ADARB2: variants seen among roughly 807,000 people sequenced by gnomAD.
ADARB2 encodes the protein inactive double-stranded RNA-specific editase B2.
Under a neutral mutation model 62.2 loss-of-function variants are expected in ADARB2, and 25 were observed. The observed-to-expected ratio is 0.40, with a 90% CI of 0.29 to 0.56. ADARB2 has a LOEUF of 0.56. Among genes scored for constraint, ADARB2 ranks in the 20% least tolerant of loss-of-function variants. ADARB2 has a pLI of 0.43. For synonymous variants in ADARB2, 572 were observed against 500.8 expected, an observed-to-expected ratio of 1.14 and a Z score of -1.90; for missense variants, 1,071 against 1,077.4, an observed-to-expected ratio of 0.99 and a Z score of 0.08.
chr10:1,479,546 C>A (rs1346686816), intron 1 of ADARB2, among the ~76,000 whole-genome samples: 1 of 152,118 alleles, frequency 6.6e-6, no homozygotes, highest in Non-Finnish European at 1.5e-5. Flanking sequence ...CCCAGGACAG[C>A]CTGCTGAGGA....
At chr10:1,571,898 TGGTGAGTGGAAA>T (rs1832942432) in intron 1 of ADARB2, among the ~76,000 whole-genome samples, 1 of 85,438 alleles carries the variant, frequency 1.2e-5, no homozygotes, top group African/African-American at 5.4e-5. Context: ...GTGAGTGTGC[TGGTGAGTGGAAA>T]GGTGAGTAGG....
intron 3 of ADARB2, among the ~76,000 whole-genome samples, chr10:1,317,441 G>A (rs1436588942): frequency 6.6e-6 from 1 of 152,154 alleles, no homozygotes; most frequent in African/African-American, 2.4e-5. Flanking sequence ...AGAACACTGA[G>A]GGTTTCACAT....
chr10:1,465,595 C>T (rs928403288), intron 1 of ADARB2, among the ~76,000 whole-genome samples: 6 of 152,234 alleles, frequency 3.9e-5, no homozygotes, highest in African/African-American at 1.2e-4. Flanking sequence ...GGCAATTCCC[C>T]TGTAGAGAGT....
At chr10:1,421,736 C>T (rs940645460) in intron 1 of ADARB2, among the ~76,000 whole-genome samples, 2 of 152,134 alleles carry the variant, frequency 1.3e-5, no homozygotes, top group Non-Finnish European at 2.9e-5. Context: ...GTAAGATTCA[C>T]CCCATTGCCT....
Position 1,630,263 on chromosome 10 carries a change from A to G in ADARB2, c.100+106788T>C, listed in dbSNP as rs140654435. On this transcript the variant is annotated intron_variant, in intron 1 of 9. Coordinates refer to ENST00000381312, the MANE Select transcript of ADARB2 (RefSeq NM_018702.4). ...CTAGAGCTTGGCCCTCCCGACACTT[A>G]TGTTCTCGTGAGGATGGGAGAAGAT... Among the ~76,000 whole-genome samples, 285 of 152,244 alleles carry G rather than the reference A, an allele frequency of 1.9e-3. 1 individual carries two copies. Among genetic ancestry groups the G allele is most frequent in the South Asian group, 5.4e-3 (26 of 4,824 alleles).
chr10:1,718,184 C>T (rs7095035), intron 1 of ADARB2, among the ~76,000 whole-genome samples: 1,732 of 152,184 alleles, frequency 0.011, 37 homozygotes, highest in African/African-American at 0.039. Flanking sequence ...AGGTGATGGC[C>T]GGGGCAGAAA....
chr10:1,247,708 T>C (rs1359990936), intron 4 of ADARB2, among the ~76,000 whole-genome samples: 29 of 152,176 alleles, frequency 1.9e-4, no homozygotes. Context: ...AGCATTCAGA[T>C]AAACACGCTT....
intron 1 of ADARB2, among the ~76,000 whole-genome samples, chr10:1,640,356 A>G (rs986749479): frequency 6.6e-6 from 1 of 152,250 alleles, no homozygotes; most frequent in Non-Finnish European, 1.5e-5. Flanking sequence ...GTCCAGTATG[A>G]GAATCACTAG....
chr10:1,607,896 G>C (rs1400988253), intron 1 of ADARB2, among the ~76,000 whole-genome samples: 2 of 152,232 alleles, frequency 1.3e-5, no homozygotes, highest in East Asian at 1.9e-4. Flanking sequence ...TAATAGGTAA[G>C]TAGTGGTTGT....
chr10:1,582,759 G>A (rs923490727), intron 1 of ADARB2, among the ~76,000 whole-genome samples: 1 of 152,140 alleles, frequency 6.6e-6, no homozygotes, highest in East Asian at 1.9e-4. Context: ...ATTCCCATGA[G>A]TTCCATGTCA....
At chr10:1,351,086 T>C (rs1372154469) in intron 3 of ADARB2, among the ~76,000 whole-genome samples, 2 of 152,142 alleles carry the variant, frequency 1.3e-5, no homozygotes, top group African/African-American at 2.4e-5. Context: ...TCCTAAGCCG[T>C]GTCCCATCTG....
At chr10:1,417,755 T>C (rs1832817289) in intron 1 of ADARB2, among the ~76,000 whole-genome samples, 1 of 152,214 alleles carries the variant, frequency 6.6e-6, no homozygotes, top group African/African-American at 2.4e-5. Context: ...GCGCCCTGCC[T>C]GGCCTGGGCT....
At chr10:1,248,157 G>A (rs888766972) in intron 4 of ADARB2, among the ~76,000 whole-genome samples, 2 of 152,174 alleles carry the variant, frequency 1.3e-5, no homozygotes, top group African/African-American at 2.4e-5. Flanking sequence ...CTGAGGTCCC[G>A]TCTCCAGCTG....
At chr10:1,709,736 G>T (rs924184282) in intron 1 of ADARB2, among the ~76,000 whole-genome samples, 7 of 152,146 alleles carry the variant, frequency 4.6e-5, no homozygotes, top group Non-Finnish European at 1.0e-4. Context: ...ATGACCCCAT[G>T]CCTAGCTCTT....
chr10:1,480,527 T>C (rs771613578), intron 1 of ADARB2, among the ~76,000 whole-genome samples: 6 of 152,144 alleles, frequency 3.9e-5, no homozygotes, highest in East Asian at 1.9e-4. Context: ...TGAAACCCCA[T>C]CTCTACTAAA....
rs551345859 is a variant in ADARB2 at position 1,681,370 on chromosome 10, C to G, written c.100+55681G>C. Among the ~76,000 whole-genome samples the G allele has an allele frequency of 5.3e-5, 8 of 152,196 alleles. No individual in the cohort carries two copies. In the South Asian group the frequency reaches 1.0e-3, roughly 20 times the overall value. On this transcript the variant is annotated intron_variant, in intron 1 of 9. Coordinates refer to ENST00000381312, the MANE Select transcript of ADARB2 (RefSeq NM_018702.4). Reference sequence around the variant, plus strand: ...TTCTTAATGTCCTTTTTCCCAACAACTTGTGGAAGAAAGTTCTCAAAGAAA... The same window carrying G: ...TTCTTAATGTCCTTTTTCCCAACAAGTTGTGGAAGAAAGTTCTCAAAGAAA...
rs1252255852 is a variant in ADARB2, at chr10:1,396,624, C to T, written c.101-17464G>A. ...TGGGTCACCGTCCTCCTCTCCCCTC[C>T]CGAGTGCAGGCTTCCTGGGTCACTG... On this transcript the variant is annotated intron_variant, in intron 1 of 9. Coordinates refer to ENST00000381312, the MANE Select transcript of ADARB2 (RefSeq NM_018702.4). Among the ~76,000 whole-genome samples the T allele has an allele frequency of 1.3e-5, 2 of 151,184 alleles. 1 individual carries two copies. Among genetic ancestry groups the T allele is most frequent in the Non-Finnish European group, 3.0e-5 (2 of 67,722 alleles).
At chr10:1,384,797 C>T (rs1832511899) in intron 1 of ADARB2, among the ~76,000 whole-genome samples, 1 of 152,148 alleles carries the variant, frequency 6.6e-6, no homozygotes, top group African/African-American at 2.4e-5. Flanking sequence ...CTTCAGAGAT[C>T]TGGTGGGGCC....
chr10:1,585,730 T>C (rs1359375596), intron 1 of ADARB2, among the ~76,000 whole-genome samples: 1 of 152,230 alleles, frequency 6.6e-6, no homozygotes, highest in African/African-American at 2.4e-5. Flanking sequence ...CAGGTCTCCC[T>C]GAAATCTATA....
Sources: allele counts gnomAD v4.1 joint callset (sites outside exome capture counted in the v4.1 genomes callset), GRCh38; gene constraint gnomAD v4.1.1; transcripts MANE v1.5; gene names NCBI Gene and HGNC (gene_info 2026-07-23, HGNC 2026-07-21).